Variants in PTCD2 observed in about 807,000 individuals in gnomAD.
PTCD2 encodes the protein pentatricopeptide repeat domain 2.
Under a neutral mutation model 42.6 loss-of-function variants are expected in PTCD2, and 31 were observed. The observed-to-expected ratio is 0.73, with a 90% CI of 0.55 to 0.98. The LOEUF is 0.98. Ranked by LOEUF, PTCD2 falls within the 50% of genes least tolerant of loss-of-function variation. The pLI, the probability that PTCD2 is intolerant of heterozygous loss-of-function variation, is 0.00. For synonymous variants in PTCD2, 183 were observed against 170.9 expected, an observed-to-expected ratio of 1.07 and a Z score of -0.55; for missense variants, 476 against 454.8, an observed-to-expected ratio of 1.05 and a Z score of -0.42.
At chr5:72,341,561 T>C (rs1279280754) in intron 7 of PTCD2, among the ~76,000 whole-genome samples, 1 of 151,690 alleles carries the variant, frequency 6.6e-6, no homozygotes, top group Non-Finnish European at 1.5e-5. Context: ...AGGGAGACCC[T>C]GTCTCTACAA....
intron 7 of PTCD2, among the ~76,000 whole-genome samples, chr5:72,342,625 T>G (rs1416969847): frequency 1.3e-5 from 2 of 152,292 alleles, no homozygotes; most frequent in South Asian, 4.1e-4. Flanking sequence ...GGCTTGAGGT[T>G]TCTATGTTCT....
chr5:72,321,756 A>G (rs1750860718), intron 1 of PTCD2, among the ~76,000 whole-genome samples: 1 of 152,134 alleles, frequency 6.6e-6, no homozygotes, highest in Non-Finnish European at 1.5e-5. Flanking sequence ...TTTCCACTAC[A>G]CTGTGCTTCT....
chr5:72,352,652 T>C lies in PTCD2; in HGVS notation c.840T>C (p.His280=), dbSNP rs2112224317. Residue 280 remains histidine, a synonymous_variant, in exon 9 of 10, where the codon CAT becomes CAC. Coordinates refer to ENST00000380639, the MANE Select transcript of PTCD2 (RefSeq NM_024754.5). The part of the protein sequence containing the change: ...IACINLNIII[H]IQSNMLENLI... ...TTCTTAATATTCAGATTATAATCCA[T>C]ATCCAGTCAAATATGTTGGAAAACC... The C allele has an allele frequency of 6.6e-7, 1 of 1,525,404 alleles. No individual in the cohort carries two copies. Among genetic ancestry groups the C allele is most frequent in the Non-Finnish European group, 9.1e-7 (1 of 1,100,812 alleles). The allele number at this position is 1,525,404 out of a possible 1,614,324, so 94.5% of individuals were successfully genotyped here.
intron 2 of PTCD2, among the ~76,000 whole-genome samples, chr5:72,322,628 A>G (rs1750921256): frequency 6.6e-6 from 1 of 152,250 alleles, no homozygotes; most frequent in Non-Finnish European, 1.5e-5. Context: ...TCATATGCAC[A>G]ATAAAGTTTA....
At chr5:72,348,393 A>G (rs1752464970) in intron 8 of PTCD2, among the ~76,000 whole-genome samples, 1 of 152,212 alleles carries the variant, frequency 6.6e-6, no homozygotes, top group South Asian at 2.1e-4. Context: ...TTATGCTAAA[A>G]TCTTTTGCTA....
chr5:72,344,934 A>G (rs1752284583), intron 8 of PTCD2, among the ~76,000 whole-genome samples: 1 of 152,186 alleles, frequency 6.6e-6, no homozygotes. Context: ...GGACCACAGG[A>G]CCAGGGCGAA....
At chr5:72,354,382 GAAAAAAAAAAA>G (rs35170727) in intron 9 of PTCD2, among the ~76,000 whole-genome samples, 6 of 29,814 alleles carry the variant, frequency 2.0e-4, no homozygotes, top group African/African-American at 6.1e-4. Context: ...GACTCCATCT[GAAAAAAAAAAA>G]AAAAAAAAAA....
chr5:72,347,559 G>A (rs1017698880), intron 8 of PTCD2, among the ~76,000 whole-genome samples: 1 of 152,134 alleles, frequency 6.6e-6, no homozygotes, highest in Non-Finnish European at 1.5e-5. Context: ...GGTGGTGTGT[G>A]CCTGTAATCC....
chr5:72,338,592 C>G, intron 6 of PTCD2, 30 bp from the exon 7 acceptor site: 1 of 1,179,652 alleles, frequency 8.5e-7, no homozygotes, highest in Non-Finnish European at 1.2e-6. Context: ...AGGTTTATAA[C>G]ATTAATCGAA....
intron 9 of PTCD2, among the ~76,000 whole-genome samples, 172 bp downstream of exon 9, chr5:72,352,926 C>G (rs1752693471): frequency 6.6e-6 from 1 of 151,662 alleles, no homozygotes; most frequent in African/African-American, 2.4e-5. Context: ...TTTTTTTCTT[C>G]CAACAGAATA....
chr5:72,325,295 A>G (rs1751080077), intron 2 of PTCD2, among the ~76,000 whole-genome samples: 1 of 152,236 alleles, frequency 6.6e-6, no homozygotes, highest in Non-Finnish European at 1.5e-5. Flanking sequence ...GAGACTTTTT[A>G]GACTGGAAGT....
chr5:72,350,441 A>T (rs1414989040), intron 8 of PTCD2, among the ~76,000 whole-genome samples: 1 of 151,648 alleles, frequency 6.6e-6, no homozygotes, highest in African/African-American at 2.4e-5. Context: ...AGCTTAGGAA[A>T]CCCAAATCTC....
At chr5:72,320,628 G>GC in intron 1 of PTCD2, 119 bp downstream of exon 1, 6 of 1,425,098 alleles carry the variant, frequency 4.2e-6, no homozygotes, top group Non-Finnish European at 3.8e-6. Flanking sequence ...GGCCTGGAGC[G>GC]CACCCTCGCC....
chr5:72,362,540 C>T lies in PTCD2; in HGVS notation c.*4113C>T, dbSNP rs527668529. 1 of 152,400 alleles carries T rather than the reference C, an allele frequency of 6.6e-6. No homozygotes were observed. Among genetic ancestry groups the T allele is most frequent in the South Asian group, 2.1e-4 (1 of 4,828 alleles). 9.4% of individuals were successfully genotyped at this position (152,400 alleles called of 1,614,324 possible). A position where few individuals can be genotyped will look rare whatever the true frequency, so the allele number is the denominator to read the frequency against. ...AACCTTCCACATTTAGACCTGACTC[C>T]AAGTTTTGCTCAGCCCACTGTGTAT... On this transcript the variant is annotated 3_prime_UTR_variant, in exon 10 of 10. Coordinates refer to ENST00000380639, the MANE Select transcript of PTCD2 (RefSeq NM_024754.5).
intron 3 of PTCD2, among the ~76,000 whole-genome samples, 187 bp from the exon 4 acceptor site, chr5:72,331,071 A>G (rs1002280310): frequency 6.6e-6 from 1 of 152,136 alleles, no homozygotes; most frequent in African/African-American, 2.4e-5. Context: ...ACTTGTTTAA[A>G]TGATTGGTGT....
At chr5:72,320,861 G>T (rs562179934) in intron 1 of PTCD2, 1 of 222,136 alleles carries the variant, frequency 4.5e-6, no homozygotes, top group South Asian at 5.8e-5. Flanking sequence ...GCTGGAGTGC[G>T]GTGGCGCGAT....
At chr5:72,329,884 A>G (rs947974134) in intron 3 of PTCD2, among the ~76,000 whole-genome samples, 2 of 152,186 alleles carry the variant, frequency 1.3e-5, no homozygotes, top group Admixed American at 1.3e-4. Flanking sequence ...TTGCCTTCCA[A>G]AAACTTAATT....
intron 7 of PTCD2, among the ~76,000 whole-genome samples, chr5:72,339,866 T>C (rs1004164732): frequency 6.6e-6 from 1 of 152,114 alleles, no homozygotes; most frequent in Admixed American, 6.6e-5. Context: ...AATATTAGTA[T>C]CTCCACCCCT....
chr5:72,331,069 A>G (rs1751416539), intron 3 of PTCD2, among the ~76,000 whole-genome samples, 189 bp from the exon 4 acceptor site: 1 of 152,174 alleles, frequency 6.6e-6, no homozygotes, highest in East Asian at 1.9e-4. Flanking sequence ...TTACTTGTTT[A>G]AATGATTGGT....
Sources: allele counts gnomAD v4.1 joint callset (sites outside exome capture counted in the v4.1 genomes callset), GRCh38; gene constraint gnomAD v4.1.1; transcripts MANE v1.5; gene names NCBI Gene and HGNC (gene_info 2026-07-23, HGNC 2026-07-21).